The following SHOC2 variants were observed in gnomAD, a reference collection of about 807,000 sequenced individuals.
SHOC2 encodes SHOC2 leucine rich repeat scaffold protein.
A neutral mutation model predicts 50.2 loss-of-function variants in SHOC2; 4 were observed. The ratio of observed to expected loss-of-function variants is 0.08; its 90% confidence interval spans 0.04 to 0.18. The LOEUF (loss-of-function observed/expected upper bound fraction) is 0.18, where lower values mean the gene tolerates loss of function less well. Among genes scored for constraint, SHOC2 ranks in the 10% least tolerant of loss-of-function variants. SHOC2 has a pLI of 1.00. For missense variants in SHOC2, 388 were observed against 669.6 expected, an observed-to-expected ratio of 0.58 and a Z score of 4.64; for synonymous variants, 218 against 244.5, an observed-to-expected ratio of 0.89 and a Z score of 1.01.
chr10:110,939,618 A>T (rs143293455), intron 1 of SHOC2, among the ~76,000 whole-genome samples: 19 of 152,312 alleles, frequency 1.2e-4, no homozygotes, highest in Non-Finnish European at 2.5e-4. Context: ...ACGTATGTCA[A>T]CTTTGATGTT....
At chr10:110,936,352 C>G (rs1319649848) in intron 1 of SHOC2, among the ~76,000 whole-genome samples, 1 of 151,964 alleles carries the variant, frequency 6.6e-6, no homozygotes, top group Non-Finnish European at 1.5e-5. Flanking sequence ...ATCCGCCTGC[C>G]TTGGCCTCCC....
At chr10:110,955,613 G>C (rs777696846) in intron 1 of SHOC2, among the ~76,000 whole-genome samples, 2 of 152,054 alleles carry the variant, frequency 1.3e-5, no homozygotes, top group Non-Finnish European at 2.9e-5. Flanking sequence ...ATCACGTGTG[G>C]GACATCTGTT....
chr10:111,010,015 G>T (rs1848538960), intron 8 of SHOC2, among the ~76,000 whole-genome samples, 185 bp downstream of exon 8: 1 of 152,042 alleles, frequency 6.6e-6, no homozygotes, highest in Non-Finnish European at 1.5e-5. Context: ...TTTCCTAAAG[G>T]CTGTTAGGAT....
At chr10:110,965,164 T>C in intron 2 of SHOC2, 103 bp downstream of exon 2, 1 of 994,658 alleles carries the variant, frequency 1.0e-6, no homozygotes, top group Non-Finnish European at 1.5e-6. Context: ...TAAAAACAGC[T>C]TATTTCTAAA....
At chr10:110,929,880 T>G (rs1403977136) in intron 1 of SHOC2, among the ~76,000 whole-genome samples, 1 of 152,222 alleles carries the variant, frequency 6.6e-6, no homozygotes. Context: ...TACATACCAG[T>G]TGGGAATTGT....
At chr10:110,959,970 T>G (rs1243598747) in intron 1 of SHOC2, among the ~76,000 whole-genome samples, 1 of 152,198 alleles carries the variant, frequency 6.6e-6, no homozygotes, top group Non-Finnish European at 1.5e-5. Flanking sequence ...GCTGGAACAT[T>G]AGAGTTGAAA....
At chr10:110,967,491 T>C (rs920567979) in intron 2 of SHOC2, among the ~76,000 whole-genome samples, 1 of 152,160 alleles carries the variant, frequency 6.6e-6, no homozygotes, top group African/African-American at 2.4e-5. Context: ...TCACATACCA[T>C]ACAATATACA....
chr10:110,949,211 AC>A (rs1407987097), intron 1 of SHOC2, among the ~76,000 whole-genome samples: 1 of 152,142 alleles, frequency 6.6e-6, no homozygotes, highest in Non-Finnish European at 1.5e-5. Flanking sequence ...CTTTAGCTAG[AC>A]TATGCAAAAA....
intron 4 of SHOC2, among the ~76,000 whole-genome samples, chr10:111,003,795 C>G (rs1848421991): frequency 6.6e-6 from 1 of 152,118 alleles, no homozygotes; most frequent in African/African-American, 2.4e-5. Context: ...TTCCTTGGCC[C>G]AGACTTTGAA....
intron 1 of SHOC2, among the ~76,000 whole-genome samples, chr10:110,956,645 A>G (rs952696317): frequency 6.6e-6 from 1 of 152,210 alleles, no homozygotes; most frequent in African/African-American, 2.4e-5. Flanking sequence ...CTCTTCTTAC[A>G]TGTTAAAAAA....
chr10:110,919,722 C>T lies in SHOC2; in HGVS notation c.-235+65C>T, dbSNP rs1846570218. ...GGTTCTTCCTGCCTGCCTTCCTGTC[C>T]GTCGGGCAGTCGGGCTGGCTGTCGG... On this transcript the variant is annotated intron_variant, in intron 1 of 8. Coordinates refer to ENST00000369452, the MANE Select transcript of SHOC2 (RefSeq NM_007373.4). The T allele has an allele frequency of 1.0e-5, 4 of 397,318 alleles. No individual in the cohort carries two copies. In the South Asian group the frequency reaches 5.1e-4, roughly 51 times the overall value. The allele number at this position is 397,318 out of a possible 1,614,324, so 24.6% of individuals were successfully genotyped here. A position where few individuals can be genotyped will look rare whatever the true frequency, so the allele number is the denominator to read the frequency against.
chr10:110,968,107 C>G (rs900663260), intron 2 of SHOC2, among the ~76,000 whole-genome samples: 1 of 152,180 alleles, frequency 6.6e-6, no homozygotes, highest in Non-Finnish European at 1.5e-5. Flanking sequence ...GTTCCAATTT[C>G]TCTGCATCCT....
intron 2 of SHOC2, among the ~76,000 whole-genome samples, chr10:110,968,091 TTGAGG>T: frequency 6.6e-6 from 1 of 152,340 alleles, no homozygotes; most frequent in East Asian, 1.9e-4. Context: ...CCAGCAGTGT[TTGAGG>T]GTTCCAATTT....
chr10:110,932,048 A>G (rs772240817), intron 1 of SHOC2, among the ~76,000 whole-genome samples: 6 of 152,194 alleles, frequency 3.9e-5, no homozygotes, highest in African/African-American at 7.2e-5. Flanking sequence ...AAGCCTTCCC[A>G]GACCTCTAAG....
chr10:110,961,152 C>G (rs948112500), intron 1 of SHOC2, among the ~76,000 whole-genome samples: 1 of 152,026 alleles, frequency 6.6e-6, no homozygotes, highest in Non-Finnish European at 1.5e-5. Flanking sequence ...ATTATTGTTG[C>G]AATTTTATGC....
chr10:110,963,430 T>C (rs1564714166), intron 1 of SHOC2, among the ~76,000 whole-genome samples: 2 of 152,200 alleles, frequency 1.3e-5, no homozygotes. Context: ...TGTAGAGTGC[T>C]TATTAAAGTA....
chr10:111,007,463 A>T, intron 5 of SHOC2, 68 bp from the exon 6 acceptor site: 1 of 1,529,658 alleles, frequency 6.5e-7, no homozygotes, highest in Non-Finnish European at 9.0e-7. Flanking sequence ...CTCTTTCCGA[A>T]GTGACAGGTA....
rs189630539 is a variant in SHOC2, at chr10:111,001,206, G to A, written c.972+661G>A. ...GAGTTTAGCTCTTGTTGCCCAGGCT[G>A]GAGTGCAATGGCGCGATCTTGGCTC... On this transcript the variant is annotated intron_variant, in intron 4 of 8. Coordinates refer to ENST00000369452, the MANE Select transcript of SHOC2 (RefSeq NM_007373.4). Among the ~76,000 whole-genome samples the A allele has an allele frequency of 2.8e-5, 4 of 143,682 alleles. No individual in the cohort carries two copies. The East Asian group carries it at 6.1e-4, about 22-fold the overall frequency. 94.3% of individuals were successfully genotyped at this position (143,682 alleles called of 152,430 possible). A position where few individuals can be genotyped will look rare whatever the true frequency, so the allele number is the denominator to read the frequency against.
At chr10:110,970,728 TG>T (rs1487616704) in intron 2 of SHOC2, among the ~76,000 whole-genome samples, 1 of 12,372 alleles carries the variant, frequency 8.1e-5, no homozygotes, top group East Asian at 8.2e-4. Flanking sequence ...GTTGTGATGA[TG>T]TTTTTTTTTT....
Sources: gnomAD v4.1 joint callset for allele counts (sites outside exome capture counted in the v4.1 genomes callset) on GRCh38, gnomAD v4.1.1 for gene constraint, MANE v1.5 for transcripts, NCBI Gene and HGNC (gene_info 2026-07-23, HGNC 2026-07-21) for gene names.